HAP1: variants seen among roughly 807,000 people sequenced by gnomAD.
The protein encoded by HAP1 is huntingtin-associated protein 1.
A neutral mutation model predicts 60.3 loss-of-function variants in HAP1; 59 were observed. That is an observed-to-expected ratio of 0.98 (90% CI 0.79 to 1.22). The LOEUF (loss-of-function observed/expected upper bound fraction) is 1.22, where lower values mean the gene tolerates loss of function less well. HAP1 is among the 50% of genes most tolerant of loss of function. The probability of loss-of-function intolerance (pLI) is 0.00; values close to 1 mark genes in which losing one functional copy is unlikely to be tolerated. For synonymous variants in HAP1, 346 were observed against 330.6 expected, an observed-to-expected ratio of 1.05 and a Z score of -0.50; for missense variants, 825 against 785.3, an observed-to-expected ratio of 1.05 and a Z score of -0.60.
At chr17:41,727,987 G>T in intron 7 of HAP1, 151 bp from the exon 8 acceptor site, 1 of 695,822 alleles carries the variant, frequency 1.4e-6, no homozygotes, top group Non-Finnish European at 2.5e-6. Flanking sequence ...GAAGGCAGGG[G>T]AGTCACGCAG....
rs782806842 is a variant in HAP1 at position 41,731,986 on chromosome 17, C to T, written c.847G>A (p.Glu283Lys). ...KEAEEEQEEE[E>K]AEEDLQCAHP... The stretch of plus-strand genomic sequence containing the variant: ...GCACACTGCAGGTCTTCCTCTGCTT[C>T]TTCTTCTTCCTGTTCCTCTTCTGCC... Residue 283 changes from glutamate (E) to lysine (K), a missense_variant, in exon 4 of 11, where the codon GAA becomes AAA. Transcript: ENST00000347901. 3 of 1,240,218 alleles carry T rather than the reference C, an allele frequency of 2.4e-6. No homozygotes were observed. The highest frequency in any genetic ancestry group is 1.2e-5 in the South Asian group (1 of 81,208). 76.8% of individuals were successfully genotyped at this position (1,240,218 alleles called of 1,614,324 possible).
At chr17:41,722,185 A>T (rs147694759), downstream of HAP1, 2 of 152,376 alleles carry the variant, frequency 1.3e-5, no homozygotes, top group Non-Finnish European at 2.9e-5. Flanking sequence ...GCCTCCCCCA[A>T]ATATTTTCTA....
Position 41,727,781 on chromosome 17 carries a change from T to C in HAP1, c.1256A>G (p.Gln419Arg), listed in dbSNP as rs1172536598. 8.7e-6 allele frequency: 14 copies of C among 1,611,152 alleles called. No homozygotes were observed. The highest frequency in any genetic ancestry group is 1.2e-5 in the Non-Finnish European group (14 of 1,178,104). The change falls in exon 8 of 11, where the codon CAG becomes CGG. Residue 419 changes from glutamine to arginine, a missense_variant. Physicochemically the swap from Gln to Arg is conservative, Grantham distance 43. Transcript: ENST00000347901. ...ACTCACCTCTTCCTGGAGCTGCATCTGGATTTCCTTCTCCGAAGCCAGCTG... is the reference window on the plus strand; with the variant it reads ...ACTCACCTCTTCCTGGAGCTGCATCCGGATTTCCTTCTCCGAAGCCAGCTG... ...QKQLASEKEI[Q>R]MQLQEEETLP...
rs1162563636 is a variant in HAP1 at position 41,729,549 on chromosome 17, C to CAAAAAAAAAAA, written c.1070-1229_1070-1219dup. On this transcript the variant is annotated intron_variant, in intron 6 of 10. Coordinates refer to ENST00000347901, the MANE Select transcript of HAP1 (RefSeq NM_177977.3). ...TGGGTTACAGAGGGAGCCTCCTTCT[C>CAAAAAAAAAAA]AAAAAAAAAAAAAAAAAAAAAAAAA... is the stretch of plus-strand genomic sequence containing the variant. 7.2e-3 allele frequency among the ~76,000 whole-genome samples: 456 copies of CAAAAAAAAAAA among 63,096 alleles called. 131 individuals carry two copies. Among genetic ancestry groups the CAAAAAAAAAAA allele is most frequent in the Non-Finnish European group, 9.7e-3 (332 of 34,344 alleles). 41.4% of individuals were successfully genotyped at this position (63,096 alleles called of 152,430 possible). A position where few individuals can be genotyped will look rare whatever the true frequency, so the allele number is the denominator to read the frequency against.
chr17:41,724,998 C>G lies in HAP1; in HGVS notation c.1563G>C (p.Pro521=), dbSNP rs34453339. The change falls in exon 11 of 11, where the codon CCG becomes CCC. Residue 521 remains proline, a synonymous_variant. Transcript: ENST00000347901. ...CCTCTTCCATCACCCCTTCCTCAGC[C>G]GGCACCTTCTTGGCAGCCCCCAGCT... ...QEELGAAKKV[P]AEEGVMEEAE... 2.5e-6 allele frequency: 4 copies of G among 1,612,840 alleles called. No homozygotes were observed. The highest frequency in any genetic ancestry group is 3.4e-6 in the Non-Finnish European group (4 of 1,179,964).
At chr17:41,730,910 C>T in intron 6 of HAP1, among the ~76,000 whole-genome samples, 1 of 75,624 alleles carries the variant, frequency 1.3e-5, no homozygotes, top group East Asian at 5.1e-4. Context: ...TTGGAGGAGA[C>T]CCACCTTTTT....
chr17:41,734,004 G>C (rs1306645797), intron 1 of HAP1, among the ~76,000 whole-genome samples, 162 bp downstream of exon 1: 2 of 152,204 alleles, frequency 1.3e-5, no homozygotes, highest in Non-Finnish European at 2.9e-5. Context: ...GGAGGAGATG[G>C]AGAAGGGGCG....
intron 10 of HAP1, among the ~76,000 whole-genome samples, chr17:41,725,555 C>A (rs1480256883): frequency 6.6e-6 from 1 of 152,182 alleles, no homozygotes; most frequent in Admixed American, 6.5e-5. Context: ...AGGAAAGGGA[C>A]CACGCTGGGC....
chr17:41,731,085 A>T (rs1028899525), intron 6 of HAP1, among the ~76,000 whole-genome samples: 4 of 151,872 alleles, frequency 2.6e-5, no homozygotes, highest in African/African-American at 9.7e-5. Context: ...TAATTTTTGT[A>T]TTTTTAGTAG....
chr17:41,727,149 G>GCCACATAAATGAGCACTGACACTAC lies in HAP1; in HGVS notation c.1276-6_1276-5insGTAGTGTCAGTGCTCATTTATGTGG. The GCCACATAAATGAGCACTGACACTAC allele has an allele frequency of 6.6e-7, 1 of 1,524,872 alleles. No individual in the cohort carries two copies. 94.5% of individuals were successfully genotyped at this position (1,524,872 alleles called of 1,614,324 possible). A position where few individuals can be genotyped will look rare whatever the true frequency, so the allele number is the denominator to read the frequency against. On this transcript the variant is annotated splice_region_variant and splice_polypyrimidine_tract_variant and intron_variant, in intron 8 of 10. Coordinates refer to ENST00000347901, the MANE Select transcript of HAP1 (RefSeq NM_177977.3). ...CTGGAAACCAGGAAGAGTCTCCTAT[G>GCCACATAAATGAGCACTGACACTAC]GTGGAGAGAACAGACGTTACCAGAG... is the stretch of plus-strand genomic sequence containing the variant.
Position 41,731,718 on chromosome 17 carries a change from G to A in HAP1, c.922C>T (p.Gln308Ter). Reference protein sequence around the residue: ...KLISQEALLHQHHCPQLEALQ... With the variant: ...KLISQEALLH ...GCTTCCAGCTGTGGGCAGTGGTGCTGGTGCAGCAATGCCTCCTGCGAAATC... is the reference window on the plus strand; with the variant it reads ...GCTTCCAGCTGTGGGCAGTGGTGCTAGTGCAGCAATGCCTCCTGCGAAATC... The change falls in exon 5 of 11, where the codon CAG becomes TAG. Residue 308 changes from glutamine to a stop codon, truncating the protein, a stop_gained. Transcript: ENST00000347901. LOFTEE classifies it high-confidence loss of function. 6.2e-7 allele frequency: 1 copy of A among 1,613,560 alleles called. No homozygotes were observed. The highest frequency in any genetic ancestry group is 8.5e-7 in the Non-Finnish European group (1 of 1,179,498).
chr17:41,719,985 G>A (rs782291343), downstream of HAP1, among the ~76,000 whole-genome samples: 84 of 150,988 alleles, frequency 5.6e-4, no homozygotes, highest in Middle Eastern at 0.017. Context: ...TGCCTCCCGG[G>A]TTCATGCCAT....
chr17:41,730,757 AT>A (rs1185182182), intron 6 of HAP1, among the ~76,000 whole-genome samples: 1 of 152,182 alleles, frequency 6.6e-6, no homozygotes, highest in African/African-American at 2.4e-5. Context: ...CTCCTCACTC[AT>A]CTTCATAAAC....
chr17:41,727,834 A>AT lies in HAP1; in HGVS notation c.1202dup (p.Tyr401Ter). 1 of 1,601,702 alleles carries AT rather than the reference A, an allele frequency of 6.2e-7. No individual in the cohort carries two copies. The highest frequency in any genetic ancestry group is 8.6e-7 in the Non-Finnish European group (1 of 1,169,224). Reference protein sequence around the residue: ...VLKLQQRCRMYGAETEKLQKQ... With the variant: ...VLKLQQRCRM ...TCTGCAACTTTTCAGTCTCAGCCCC[A>AT]TACTGGAAGGACCCAAAACCAGTGA... The change falls in exon 8 of 11, where the codon TAT (tyrosine) becomes TAAT (stop). Residue 401 changes from tyrosine to a stop codon, truncating the protein, a stop_gained and frameshift_variant and splice_region_variant. Transcript: ENST00000347901. LOFTEE classifies it high-confidence loss of function.
chr17:41,718,709 TC>T (rs1555586452), downstream of HAP1, among the ~76,000 whole-genome samples: 5 of 152,344 alleles, frequency 3.3e-5, no homozygotes, highest in East Asian at 9.6e-4. Flanking sequence ...TCCGACTTGT[TC>T]CAGACATTAT....
At chr17:41,727,496 C>T in intron 8 of HAP1, 2 of 766,678 alleles carry the variant, frequency 2.6e-6, no homozygotes, top group Non-Finnish European at 4.9e-6. Context: ...TCCTGCCTAT[C>T]TGCTCTCAGG....
chr17:41,730,514 G>A (rs532100944), intron 6 of HAP1: 6 of 152,384 alleles, frequency 3.9e-5, no homozygotes, highest in East Asian at 3.9e-4. Context: ...GAGGCAGCCC[G>A]AGTGGGGAGG....
At chr17:41,733,769 C>T (rs1438821762) in intron 1 of HAP1, among the ~76,000 whole-genome samples, 1 of 151,674 alleles carries the variant, frequency 6.6e-6, no homozygotes, top group Non-Finnish European at 1.5e-5. Flanking sequence ...CCCGCCCACC[C>T]ACCCCTCCAT....
intron 1 of HAP1, among the ~76,000 whole-genome samples, chr17:41,733,377 A>C (rs1355653717): frequency 0.015 from 442 of 29,698 alleles, no homozygotes; most frequent in South Asian, 0.02. Context: ...TTTTTTTTTT[A>C]CCCCTGGAGG....
Sources: gnomAD v4.1 joint callset for allele counts (sites outside exome capture counted in the v4.1 genomes callset) on GRCh38, gnomAD v4.1.1 for gene constraint, MANE v1.5 for transcripts, NCBI Gene and HGNC (gene_info 2026-07-23, HGNC 2026-07-21) for gene names.